Variants in DNAH7 observed in about 807,000 individuals in gnomAD.
The protein encoded by DNAH7 is axonemal beta dynein heavy chain 7.
DNAH7 carries 397 observed loss-of-function variants against 444.6 expected under a neutral mutation model. The observed-to-expected ratio is 0.89, with a 90% CI of 0.82 to 0.97. DNAH7 has a LOEUF of 0.97. Ranked by LOEUF, DNAH7 falls within the 50% of genes least tolerant of loss-of-function variation. DNAH7 has a pLI of 0.00. For synonymous variants in DNAH7, 1,636 were observed against 1,624.4 expected (o/e 1.01, Z -0.17); for missense variants, 4,902 against 4,800.8 (o/e 1.02, Z -0.62).
intron 21 of DNAH7, among the ~76,000 whole-genome samples, chr2:195,934,099 G>C (rs538844030): frequency 6.6e-6 from 1 of 152,020 alleles, no homozygotes; most frequent in East Asian, 1.9e-4. Flanking sequence ...ACAAATGATT[G>C]AGCTCACAGT....
Position 196,048,296 on chromosome 2 carries a change from C to T in DNAH7, c.250G>A (p.Ala84Thr). ...PFSVKNEQSH[A>T]EYMERFGKKG... is the part of the protein sequence containing the mutation. ...TAATTTAGAATATTGAAGTTCTTAC[C>T]ATGGGACTGTTCATTTTTAACACTA... Residue 84 changes from alanine (A) to threonine (T), a missense_variant and splice_region_variant, in exon 4 of 65, where the codon GCT (alanine) becomes ACT (threonine). Ala to Thr is a moderately conservative substitution (Grantham distance 58, BLOSUM62 0). Coordinates refer to ENST00000312428, the MANE Select transcript of DNAH7 (RefSeq NM_018897.3). 6.2e-7 allele frequency: 1 copy of T among 1,609,980 alleles called. No individual in the cohort carries two copies. The highest frequency in any genetic ancestry group is 8.5e-7 in the Non-Finnish European group (1 of 1,176,798).
intron 57 of DNAH7, among the ~76,000 whole-genome samples, chr2:195,793,399 A>G (rs1258788932): frequency 6.6e-6 from 1 of 152,202 alleles, no homozygotes; most frequent in Non-Finnish European, 1.5e-5. Flanking sequence ...GTAGGTGACT[A>G]CTGCTGGAGA....
At chr2:195,772,393 TCTC>T (rs1402255730) in intron 60 of DNAH7, among the ~76,000 whole-genome samples, 3 of 152,206 alleles carry the variant, frequency 2.0e-5, no homozygotes, top group Non-Finnish European at 2.9e-5. Flanking sequence ...AATAAGCTCA[TCTC>T]CTCTAAGCAG....
intron 5 of DNAH7, among the ~76,000 whole-genome samples, chr2:196,033,681 C>A (rs752585304): frequency 6.6e-6 from 1 of 151,916 alleles, no homozygotes; most frequent in Non-Finnish European, 1.5e-5. Context: ...TTTTTTAATC[C>A]ATTCATCTGC....
intron 35 of DNAH7, among the ~76,000 whole-genome samples, chr2:195,883,153 A>T (rs1701502108): frequency 6.6e-6 from 1 of 152,186 alleles, no homozygotes; most frequent in Non-Finnish European, 1.5e-5. Context: ...AACCATTAAG[A>T]ATCAGAAAAC....
chr2:195,938,747 A>G (rs1689226290), intron 19 of DNAH7, among the ~76,000 whole-genome samples: 1 of 152,180 alleles, frequency 6.6e-6, no homozygotes, highest in South Asian at 2.1e-4. Context: ...TCCAGGGTCA[A>G]ACCTATTTAA....
intron 5 of DNAH7, among the ~76,000 whole-genome samples, chr2:196,031,894 A>G (rs1453096245): frequency 6.6e-6 from 1 of 151,922 alleles, no homozygotes; most frequent in Non-Finnish European, 1.5e-5. Flanking sequence ...AACTGTTCCA[A>G]CCTCTGCCTT....
Position 195,833,788 on chromosome 2 carries a change from C to G in DNAH7, c.9100+418G>C, listed in dbSNP as rs553500420. Reference sequence around the variant, plus strand: ...TTTATTTTTTTGAGATGGAGTCTCGCTCTGCCACCCAGGCTGGAGTGTAGT... The same window carrying G: ...TTTATTTTTTTGAGATGGAGTCTCGGTCTGCCACCCAGGCTGGAGTGTAGT... On this transcript the variant is annotated intron_variant, in intron 48 of 64. Transcript: ENST00000312428. Among the ~76,000 whole-genome samples the G allele has an allele frequency of 7.2e-5, 11 of 152,214 alleles. No individual in the cohort carries two copies. In the East Asian group the frequency reaches 2.1e-3, roughly 29 times the overall value.
intron 61 of DNAH7, among the ~76,000 whole-genome samples, chr2:195,760,408 C>T (rs1025843946): frequency 6.6e-6 from 1 of 152,122 alleles, no homozygotes; most frequent in Admixed American, 6.5e-5. Flanking sequence ...ACTGTAGAGC[C>T]CCAGGGCCTT....
In DNAH7 at chr2:195,738,053, A is replaced by G. The variant is rs542727184; in HGVS notation, c.11943T>C (p.Ser3981=). ...TGGTGGATAATACTCCTCTCCGCTC[A>G]CTTGTCTTATACAATGGAGCAACAT... ...PSYVAPLYKT[S]ERRGVLSTTG... Residue 3981 remains serine, a synonymous_variant, in exon 65 of 65, where the codon AGT becomes AGC. Coordinates refer to ENST00000312428, the MANE Select transcript of DNAH7 (RefSeq NM_018897.3). The G allele has an allele frequency of 2.5e-6, 4 of 1,614,038 alleles. No homozygotes were observed. The highest frequency in any genetic ancestry group is 1.3e-5 in the African/African-American group (1 of 75,058).
intron 8 of DNAH7, 42 bp downstream of exon 8, chr2:196,024,387 T>C (rs764973688): frequency 1.5e-6 from 2 of 1,313,642 alleles, no homozygotes; most frequent in Middle Eastern, 1.9e-4. Context: ...TATACAGAAA[T>C]GGTCACATAA....
chr2:195,808,224 A>G (rs1360758177), intron 53 of DNAH7, among the ~76,000 whole-genome samples: 1 of 152,208 alleles, frequency 6.6e-6, no homozygotes, highest in Admixed American at 6.5e-5. Flanking sequence ...GTCAAGTATA[A>G]TACTCCCCAG....
intron 15 of DNAH7, among the ~76,000 whole-genome samples, chr2:195,983,476 G>T (rs1231681393): frequency 6.6e-6 from 1 of 152,110 alleles, no homozygotes; most frequent in Non-Finnish European, 1.5e-5. Context: ...GAGCAGAAGA[G>T]AAAGGAGGGG....
intron 60 of DNAH7, among the ~76,000 whole-genome samples, chr2:195,773,463 G>A (rs565414519): frequency 1.0e-4 from 14 of 133,396 alleles, no homozygotes; most frequent in Admixed American, 8.5e-4. Context: ...TTCAAAAAAC[G>A]TAAAAAAAAA....
chr2:195,785,899 C>A (rs1302386037), intron 58 of DNAH7, among the ~76,000 whole-genome samples: 1 of 152,086 alleles, frequency 6.6e-6, no homozygotes, highest in Non-Finnish European at 1.5e-5. Context: ...TCCTCAGGCA[C>A]TGTATCACTG....
chr2:196,025,984 G>A (rs947313508), intron 7 of DNAH7, among the ~76,000 whole-genome samples: 1 of 152,044 alleles, frequency 6.6e-6, no homozygotes, highest in Non-Finnish European at 1.5e-5. Context: ...ATTCAGGTGG[G>A]GCCAGAAGTC....
chr2:196,056,661 G>A (rs1416558152), intron 2 of DNAH7, among the ~76,000 whole-genome samples: 1 of 152,082 alleles, frequency 6.6e-6, no homozygotes, highest in Non-Finnish European at 1.5e-5. Context: ...TATAAGCTCA[G>A]AGGTCATGGC....
At chr2:195,927,577 T>C (rs1331453575) in intron 21 of DNAH7, among the ~76,000 whole-genome samples, 1 of 151,498 alleles carries the variant, frequency 6.6e-6, no homozygotes, top group Non-Finnish European at 1.5e-5. Flanking sequence ...GCCAAGAAGA[T>C]GGAGTAAAAA....
intron 57 of DNAH7, among the ~76,000 whole-genome samples, chr2:195,790,349 A>G (rs1458653559): frequency 1.3e-5 from 2 of 152,202 alleles, no homozygotes; most frequent in African/African-American, 2.4e-5. Context: ...AAGAACCAAA[A>G]ACAGCTTGAA....
Sources: allele counts gnomAD v4.1 joint callset (sites outside exome capture counted in the v4.1 genomes callset), GRCh38; gene constraint gnomAD v4.1.1; transcripts MANE v1.5; gene names NCBI Gene and HGNC (gene_info 2026-07-23, HGNC 2026-07-21).